The following LIG1 variants were observed in gnomAD, a reference collection of about 807,000 sequenced individuals.
LIG1 encodes DNA ligase 1, also known as ligase I, DNA, ATP-dependent.
In LIG1, 70 loss-of-function variants were observed where a neutral mutation model predicts 115.7. The observed-to-expected ratio is 0.60, with a 90% CI of 0.50 to 0.74. The LOEUF is 0.74. Ranked by LOEUF, LIG1 falls within the 30% of genes least tolerant of loss-of-function variation. The pLI is 0.00. For missense variants in LIG1, 1,115 were observed against 1,225.6 expected (o/e 0.91, Z 1.35); for synonymous variants, 487 against 495.3 (o/e 0.98, Z 0.22).
At chr19:48,130,799 G>A (rs1440628445) in intron 19 of LIG1, among the ~76,000 whole-genome samples, 1 of 152,212 alleles carries the variant, frequency 6.6e-6, no homozygotes, top group Non-Finnish European at 1.5e-5. Flanking sequence ...AAGCCAACCA[G>A]CCAAGGACAG....
intron 19 of LIG1, among the ~76,000 whole-genome samples, chr19:48,129,122 C>T (rs577954325): frequency 1.7e-4 from 25 of 151,250 alleles, no homozygotes; most frequent in African/African-American, 5.6e-4. Context: ...GTGCAATCTC[C>T]GCTCAGTGCA....
At chr19:48,138,183 GC>G (rs921882758) in intron 12 of LIG1, among the ~76,000 whole-genome samples, 1 of 152,120 alleles carries the variant, frequency 6.6e-6, no homozygotes, top group African/African-American at 2.4e-5. Flanking sequence ...GGTCCCATGG[GC>G]GCCTGGGTGT....
rs368599449 is a variant in LIG1 at position 48,139,523 on chromosome 19, G to A, written c.1087+448C>T. Among the ~76,000 whole-genome samples the A allele has an allele frequency of 1.8e-4, 27 of 152,138 alleles. No individual in the cohort carries two copies. In the East Asian group the frequency reaches 2.5e-3, roughly 14 times the overall value. On this transcript the variant is annotated intron_variant, in intron 12 of 27. Transcript: ENST00000263274. ...CGAGCACTCCAGGCCCTTGGCAGGC[G>A]GGCCATCCGCATCACCAGCCTTTCC...
intron 14 of LIG1, 91 bp downstream of exon 14, chr19:48,136,917 C>A (rs1052606234): frequency 9.7e-7 from 1 of 1,026,658 alleles, no homozygotes; most frequent in Non-Finnish European, 1.5e-6. Context: ...ATGGTCAGGG[C>A]ATTTGTGATG....
At chr19:48,145,446 AG>A (rs578178075) in intron 9 of LIG1, among the ~76,000 whole-genome samples, 54 of 152,310 alleles carry the variant, frequency 3.5e-4, no homozygotes, top group Admixed American at 1.4e-3. Context: ...TGGAACAATG[AG>A]GACTCCCCAG....
chr19:48,122,883 C>A lies in LIG1; in HGVS notation c.2232+51G>T. 1.3e-6 allele frequency: 2 copies of A among 1,540,058 alleles called. No individual in the cohort carries two copies. Among genetic ancestry groups the A allele is most frequent in the African/African-American group, 2.7e-5 (2 of 73,382 alleles). ...CTCGAAATCCACTGCCTAGCTGGGA[C>A]AGACCTCCAGACCCGGGGTGGAGAA... On this transcript the variant is annotated intron_variant, in intron 23 of 27. Coordinates refer to ENST00000263274, the MANE Select transcript of LIG1 (RefSeq NM_000234.3). This position sits in a 1 kb window ranked among gnomAD's most constrained non-coding sequence, Gnocchi z 4.3.
At chr19:48,142,243 C>T (rs1165323795) in intron 11 of LIG1, among the ~76,000 whole-genome samples, 1 of 151,916 alleles carries the variant, frequency 6.6e-6, no homozygotes, top group Non-Finnish European at 1.5e-5. Flanking sequence ...CAAGATCTTC[C>T]TGGCTAACAC....
chr19:48,168,618 A>T (rs1006896476), intron 1 of LIG1, among the ~76,000 whole-genome samples: 5 of 152,092 alleles, frequency 3.3e-5, no homozygotes, highest in Admixed American at 3.3e-4. Context: ...GTAATGAGAG[A>T]AGACTGGAAA....
At chr19:48,152,044 C>T (rs141299912) in intron 6 of LIG1, among the ~76,000 whole-genome samples, 5 of 152,260 alleles carry the variant, frequency 3.3e-5, no homozygotes, top group African/African-American at 9.6e-5. Context: ...AGGCCACCCC[C>T]GCCACCCCTC....
chr19:48,144,002 T>C, intron 9 of LIG1, 39 bp from the exon 10 acceptor site: 1 of 1,481,094 alleles, frequency 6.8e-7, no homozygotes, highest in Non-Finnish European at 9.4e-7. Flanking sequence ...CATAGAGCCC[T>C]GGGTCAAAGC....
rs569420754 is a variant in LIG1, at chr19:48,135,977, G to C, written c.1423+57C>G. The C allele has an allele frequency of 2.5e-5, 36 of 1,412,342 alleles. No individual in the cohort carries two copies. In the African/African-American group the frequency reaches 4.4e-4, roughly 17 times the overall value. The allele number at this position is 1,412,342 out of a possible 1,614,324, so 87.5% of individuals were successfully genotyped here. On this transcript the variant is annotated intron_variant, in intron 15 of 27. Coordinates refer to ENST00000263274, the MANE Select transcript of LIG1 (RefSeq NM_000234.3). ...GCGGGCATGGGCCTCTGAAGAGGAGGGGGGAAGCCTGAGGTAACTCCAGCG... is the reference window on the plus strand; with the variant it reads ...GCGGGCATGGGCCTCTGAAGAGGAGCGGGGAAGCCTGAGGTAACTCCAGCG...
At chr19:48,145,495 T>C (rs1365480831) in intron 9 of LIG1, among the ~76,000 whole-genome samples, 1 of 151,692 alleles carries the variant, frequency 6.6e-6, no homozygotes. Flanking sequence ...GGGACAAGGG[T>C]TGGGGGGGAG....
intron 17 of LIG1, chr19:48,133,548 C>T (rs2034178725): frequency 3.1e-6 from 1 of 318,748 alleles, no homozygotes; most frequent in South Asian, 3.0e-5. Context: ...GCTCTGGACA[C>T]TTCTGTGTGA....
chr19:48,167,846 A>AAC (rs2036564878), intron 1 of LIG1, among the ~76,000 whole-genome samples: 1 of 151,178 alleles, frequency 6.6e-6, no homozygotes, highest in South Asian at 2.1e-4. Flanking sequence ...AAAAAAAAAA[A>AAC]AAAACAAACA....
intron 9 of LIG1, among the ~76,000 whole-genome samples, chr19:48,149,325 C>T (rs1415191109): frequency 6.6e-6 from 1 of 152,070 alleles, no homozygotes; most frequent in Non-Finnish European, 1.5e-5. Flanking sequence ...GAGTTCAGAG[C>T]CAGAGGAACA....
intron 1 of LIG1, among the ~76,000 whole-genome samples, chr19:48,166,491 C>A (rs3730844): frequency 6.6e-6 from 1 of 151,884 alleles, no homozygotes; most frequent in African/African-American, 2.4e-5. Flanking sequence ...GTAATGCTGT[C>A]GCCTCAGGAG....
intron 19 of LIG1, 32 bp from the exon 20 acceptor site, chr19:48,128,052 A>G (rs1244547289): frequency 6.5e-7 from 1 of 1,547,970 alleles, no homozygotes; most frequent in South Asian, 1.1e-5. Context: ...CCAGGGCCTG[A>G]GAGAGGTGGA....
chr19:48,160,392 G>A (rs2036104842), intron 4 of LIG1, among the ~76,000 whole-genome samples: 1 of 152,190 alleles, frequency 6.6e-6, no homozygotes, highest in Non-Finnish European at 1.5e-5. Context: ...GCACCTGGTG[G>A]GTGTGGGAAG....
Position 48,126,631 on chromosome 19 carries a change from C to T in LIG1, c.2004+646G>A, listed in dbSNP as rs532503680. 2.0e-5 allele frequency among the ~76,000 whole-genome samples: 3 copies of T among 150,980 alleles called. No homozygotes were observed. The South Asian group carries it at 6.3e-4, about 32-fold the overall frequency. Reference sequence around the variant, plus strand: ...CAAAAAAAAAAAAAAAAATTCAAGACTCACTCCATAGAGCTTGTTCATGTG... The same window carrying T: ...CAAAAAAAAAAAAAAAAATTCAAGATTCACTCCATAGAGCTTGTTCATGTG... On this transcript the variant is annotated intron_variant, in intron 21 of 27. Coordinates refer to ENST00000263274, the MANE Select transcript of LIG1 (RefSeq NM_000234.3).
Sources: allele counts gnomAD v4.1 joint callset (sites outside exome capture counted in the v4.1 genomes callset), GRCh38; gene constraint gnomAD v4.1.1; non-coding constraint Gnocchi (gnomAD v3.1); transcripts MANE v1.5; gene names NCBI Gene and HGNC (gene_info 2026-07-23, HGNC 2026-07-21).